The following TMEM132D variants were observed in gnomAD, a reference collection of about 807,000 sequenced individuals.
The protein encoded by TMEM132D is transmembrane protein 132D, also known as mature OL transmembrane protein.
TMEM132D carries 21 observed loss-of-function variants against 62.3 expected under a neutral mutation model. The ratio of observed to expected loss-of-function variants is 0.34; its 90% CI spans 0.24 to 0.49. TMEM132D has a LOEUF of 0.49. Among genes scored for constraint, TMEM132D ranks in the 20% least tolerant of loss-of-function variants. The probability of loss-of-function intolerance (pLI) is 0.99; values close to 1 mark genes in which losing one functional copy is unlikely to be tolerated. For synonymous variants in TMEM132D, 621 were observed against 575.6 expected (o/e 1.08, Z -1.13); for missense variants, 1,346 against 1,402.8 (o/e 0.96, Z 0.65).
intron 1 of TMEM132D, among the ~76,000 whole-genome samples, chr12:129,755,352 A>G (rs1217696488): frequency 6.6e-6 from 1 of 152,210 alleles, no homozygotes; most frequent in Non-Finnish European, 1.5e-5. Context: ...CTGATATTCT[A>G]TTTTTACGAA....
At chr12:129,776,853 T>C (rs1297641380) in intron 1 of TMEM132D, among the ~76,000 whole-genome samples, 1 of 151,770 alleles carries the variant, frequency 6.6e-6, no homozygotes, top group Non-Finnish European at 1.5e-5. Context: ...AAAAGACATC[T>C]TTTATCACAA....
intron 2 of TMEM132D, among the ~76,000 whole-genome samples, chr12:129,671,482 G>T (rs1183430386): frequency 6.6e-6 from 1 of 152,194 alleles, no homozygotes; most frequent in Non-Finnish European, 1.5e-5. Context: ...AACACCAGCT[G>T]CTTAAGTCAA....
At chr12:129,504,215 G>A (rs1357452452) in intron 3 of TMEM132D, among the ~76,000 whole-genome samples, 2 of 152,030 alleles carry the variant, frequency 1.3e-5, no homozygotes, top group African/African-American at 4.8e-5. Flanking sequence ...TATGTCCTTC[G>A]AGAATTCCAA....
chr12:129,487,538 T>G (rs1874621118), intron 3 of TMEM132D, among the ~76,000 whole-genome samples: 1 of 152,040 alleles, frequency 6.6e-6, no homozygotes, highest in Non-Finnish European at 1.5e-5. Context: ...CAGAACCTGG[T>G]GAGGCCACCT....
intron 1 of TMEM132D, among the ~76,000 whole-genome samples, chr12:129,821,323 C>G (rs1013969263): frequency 2.0e-5 from 3 of 152,150 alleles, no homozygotes; most frequent in African/African-American, 7.2e-5. Context: ...CTGAAACGCA[C>G]GTCAGATGCT....
chr12:129,395,040 C>T (rs1034427553), intron 3 of TMEM132D, among the ~76,000 whole-genome samples: 33 of 152,270 alleles, frequency 2.2e-4, no homozygotes, highest in African/African-American at 7.0e-4. Flanking sequence ...GTAGTCCTTC[C>T]GCCATGCCTC....
chr12:129,539,422 T>TG (rs1195123960), intron 2 of TMEM132D, among the ~76,000 whole-genome samples: 1 of 149,022 alleles, frequency 6.7e-6, no homozygotes, highest in Non-Finnish European at 1.5e-5. Flanking sequence ...TTTTTTTTTT[T>TG]GAGACGGAGT....
At position 129,617,839 on chromosome 12, in the gene TMEM132D, C is replaced by T. The variant is rs541596360; in HGVS notation, c.968+81971G>A. On this transcript the variant is annotated intron_variant, in intron 2 of 8. Transcript: ENST00000422113. The stretch of plus-strand genomic sequence containing the variant: ...TAATCTAATCACCTCCCAGGGGCCC[C>T]GCCACCTAATACATGGGGGTTAATA... Among the ~76,000 whole-genome samples the T allele has an allele frequency of 2.6e-5, 4 of 152,218 alleles. No homozygotes were observed. The South Asian group carries it at 6.2e-4, about 24-fold the overall frequency.
intron 5 of TMEM132D, among the ~76,000 whole-genome samples, chr12:129,164,782 C>T (rs1391556166): frequency 6.6e-6 from 1 of 152,198 alleles, no homozygotes; most frequent in African/African-American, 2.4e-5. Flanking sequence ...ATTCAATTAC[C>T]TCCACCTGGT....
chr12:129,480,170 G>A (rs901753239), intron 3 of TMEM132D, among the ~76,000 whole-genome samples: 75 of 152,256 alleles, frequency 4.9e-4, no homozygotes, highest in Non-Finnish European at 9.6e-4. Context: ...GGAATACCAA[G>A]TGCAAATGCC....
intron 3 of TMEM132D, among the ~76,000 whole-genome samples, chr12:129,342,902 C>T (rs574638107): frequency 5.8e-4 from 88 of 152,162 alleles, no homozygotes; most frequent in Admixed American, 2.6e-3. Context: ...GTTAGAATGG[C>T]GATCATTAGA....
intron 1 of TMEM132D, among the ~76,000 whole-genome samples, chr12:129,838,461 T>A (rs1366091158): frequency 2.0e-5 from 3 of 152,198 alleles, no homozygotes; most frequent in Non-Finnish European, 4.4e-5. Flanking sequence ...TTTCCCTACA[T>A]CTGATTCCTT....
At chr12:129,242,356 A>C (rs1173078340) in intron 4 of TMEM132D, among the ~76,000 whole-genome samples, 1 of 152,220 alleles carries the variant, frequency 6.6e-6, no homozygotes, top group Non-Finnish European at 1.5e-5. Flanking sequence ...ATATGGATAG[A>C]TAGCTAGTGA....
intron 4 of TMEM132D, among the ~76,000 whole-genome samples, chr12:129,301,142 G>A (rs1044572393): frequency 1.3e-5 from 2 of 152,134 alleles, no homozygotes; most frequent in African/African-American, 4.8e-5. Context: ...TCACTGTCCC[G>A]AGAGCAGAAG....
intron 8 of TMEM132D, among the ~76,000 whole-genome samples, chr12:129,077,696 C>T (rs1337465582): frequency 6.6e-6 from 1 of 152,110 alleles, no homozygotes; most frequent in African/African-American, 2.4e-5. Context: ...CCACAACACA[C>T]ACACATATGC....
At position 129,209,610 on chromosome 12, in the gene TMEM132D, C is replaced by A. The variant is rs150876325; in HGVS notation, c.1353G>T (p.Pro451=). The part of the protein sequence containing the change: ...AILTGKTVAV[P]VKVVSVEDDG... Reference sequence around the variant, plus strand: ...CGTCCTCCACGGAGACCACTTTCACCGGGACGGCCACCGTCTTCCCCGTGA... The same window carrying A: ...CGTCCTCCACGGAGACCACTTTCACAGGGACGGCCACCGTCTTCCCCGTGA... Residue 451 remains proline (P), a synonymous_variant, in exon 5 of 9, where the codon CCG becomes CCT. Coordinates refer to ENST00000422113, the MANE Select transcript of TMEM132D (RefSeq NM_133448.3). 12 of 1,614,072 alleles carry A rather than the reference C, an allele frequency of 7.4e-6. No homozygotes were observed. The African/African-American group carries it at 1.6e-4, about 22-fold the overall frequency.
intron 3 of TMEM132D, among the ~76,000 whole-genome samples, chr12:129,473,987 T>C (rs886401155): frequency 1.6e-4 from 25 of 152,166 alleles, no homozygotes; most frequent in African/African-American, 5.8e-4. Context: ...AGCTGTGTTG[T>C]TTTTTGGAGA....
chr12:129,458,171 T>C (rs7487808), intron 3 of TMEM132D, among the ~76,000 whole-genome samples: 16,064 of 152,152 alleles, frequency 0.11, 929 homozygotes, highest in South Asian at 0.2. Flanking sequence ...TCTCTGTAAA[T>C]AGTCCCTCCA....
At chr12:129,448,456 T>C (rs758622980) in intron 3 of TMEM132D, among the ~76,000 whole-genome samples, 1 of 152,198 alleles carries the variant, frequency 6.6e-6, no homozygotes, top group African/African-American at 2.4e-5. Flanking sequence ...GTCCCACTTA[T>C]AAGTGAGAAC....
Sources: gnomAD v4.1 joint callset for allele counts (sites outside exome capture counted in the v4.1 genomes callset) on GRCh38, gnomAD v4.1.1 for gene constraint, MANE v1.5 for transcripts, NCBI Gene and HGNC (gene_info 2026-07-23, HGNC 2026-07-21) for gene names.